Variants in ATP8A2 observed in about 807,000 individuals in gnomAD.
ATP8A2 encodes phospholipid-transporting ATPase IB.
ATP8A2 carries 100 observed loss-of-function variants against 165.6 expected under a neutral mutation model. The ratio of observed to expected loss-of-function variants is 0.60; its 90% confidence interval spans 0.51 to 0.71. The LOEUF is 0.71. Among genes scored for constraint, ATP8A2 ranks in the 30% least tolerant of loss-of-function variants. The pLI is 0.00. For synonymous variants in ATP8A2, 543 were observed against 548.8 expected (o/e 0.99, Z 0.15); for missense variants, 1,227 against 1,479.5 (o/e 0.83, Z 2.80).
At chr13:25,574,045 T>C (rs1410795632) in intron 18 of ATP8A2, among the ~76,000 whole-genome samples, 1 of 152,224 alleles carries the variant, frequency 6.6e-6, no homozygotes, top group Non-Finnish European at 1.5e-5. Flanking sequence ...CTCACATGTA[T>C]TGGGTGCCAA....
chr13:25,631,740 A>C (rs1017175382), intron 24 of ATP8A2, among the ~76,000 whole-genome samples: 1 of 152,176 alleles, frequency 6.6e-6, no homozygotes, highest in East Asian at 1.9e-4. Flanking sequence ...AAATGCCACC[A>C]CCACCAACAT....
intron 1 of ATP8A2, among the ~76,000 whole-genome samples, chr13:25,444,591 G>C (rs1338959683): frequency 6.6e-6 from 1 of 151,176 alleles, no homozygotes; most frequent in Non-Finnish European, 1.5e-5. Context: ...TCTCCTTATA[G>C]TTTCAATTTG....
Position 25,907,363 on chromosome 13 carries a change from A to AAAAATAAAAT in ATP8A2, c.3183+44975_3183+44984dup, listed in dbSNP as rs145490905. ...GAGACTCCATCTCAAAAATAAATAA[A>AAAAATAAAAT]AAAATAAAATAAAATAAAATAAAAT... On this transcript the variant is annotated intron_variant, in intron 33 of 36. Coordinates refer to ENST00000381655, the MANE Select transcript of ATP8A2 (RefSeq NM_016529.6). Among the ~76,000 whole-genome samples, 503 of 151,886 alleles carry AAAAATAAAAT rather than the reference A, an allele frequency of 3.3e-3. 3 individuals are homozygous for AAAAATAAAAT. Among genetic ancestry groups the AAAAATAAAAT allele is most frequent in the African/African-American group, 0.012 (483 of 41,348 alleles).
intron 2 of ATP8A2, among the ~76,000 whole-genome samples, chr13:25,489,392 A>C (rs1246544759): frequency 1.3e-5 from 2 of 152,140 alleles, no homozygotes; most frequent in Admixed American, 1.3e-4. Flanking sequence ...CTCTGTAAGC[A>C]AGCATTTTCT....
Position 25,737,063 on chromosome 13 carries a change from G to C in ATP8A2, c.2385-31983G>C, listed in dbSNP as rs117843632. ...GTGTGTTAGGAGGGGAGTTTTAGTG[G>C]AGGGTGGGGCAGAAGGAATTTTAAG... On this transcript the variant is annotated intron_variant, in intron 25 of 36. Coordinates refer to ENST00000381655, the MANE Select transcript of ATP8A2 (RefSeq NM_016529.6). Among the ~76,000 whole-genome samples, 41 of 152,252 alleles carry C rather than the reference G, an allele frequency of 2.7e-4. 1 individual carries two copies. The East Asian group carries it at 7.9e-3, about 29-fold the overall frequency.
chr13:25,995,763 T>A (rs979284214), intron 35 of ATP8A2, among the ~76,000 whole-genome samples: 1 of 152,124 alleles, frequency 6.6e-6, no homozygotes. Context: ...TCTGTTGTTA[T>A]TAGGTAGAGT....
At chr13:25,403,511 T>G (rs2033704728) in intron 1 of ATP8A2, among the ~76,000 whole-genome samples, 2 of 152,142 alleles carry the variant, frequency 1.3e-5, no homozygotes, top group Admixed American at 1.3e-4. Context: ...AGAATTCAAG[T>G]TGAGTTGTGG....
rs138295860 is a variant in ATP8A2 at position 25,602,172 on chromosome 13, G to A, written c.2211+12473G>A. Among the ~76,000 whole-genome samples the A allele has an allele frequency of 1.3e-3, 203 of 152,154 alleles. 1 individual carries two copies. Among genetic ancestry groups the A allele is most frequent in the African/African-American group, 4.7e-3 (196 of 41,524 alleles). ...ACAATTTTTTTCTAATTTGTTTTTA[G>A]GCATGTCCAATTAATAATTCTTTTA... On this transcript the variant is annotated intron_variant, in intron 24 of 36. Transcript: ENST00000381655.
intron 2 of ATP8A2, among the ~76,000 whole-genome samples, chr13:25,472,209 C>T (rs1187694248): frequency 6.6e-6 from 1 of 152,130 alleles, no homozygotes; most frequent in Admixed American, 6.5e-5. Flanking sequence ...GCCTGGCCAA[C>T]ATGGCAAAAC....
intron 25 of ATP8A2, among the ~76,000 whole-genome samples, chr13:25,755,234 C>T (rs1052842502): frequency 1.3e-5 from 2 of 152,184 alleles, no homozygotes; most frequent in African/African-American, 4.8e-5. Context: ...GGTACTATCA[C>T]AATTCCATCT....
intron 24 of ATP8A2, among the ~76,000 whole-genome samples, chr13:25,611,316 C>A (rs901144835): frequency 6.6e-6 from 1 of 151,818 alleles, no homozygotes; most frequent in South Asian, 2.1e-4. Flanking sequence ...TGAGGTATGT[C>A]CCTTGTATGC....
chr13:25,513,013 C>T (rs1159358161), intron 2 of ATP8A2, among the ~76,000 whole-genome samples: 17 of 135,800 alleles, frequency 1.3e-4, no homozygotes, highest in African/African-American at 4.3e-4. Flanking sequence ...GGGGGGCTGA[C>T]CCCCCCCACC....
chr13:25,960,966 A>G (rs965515580), intron 33 of ATP8A2, among the ~76,000 whole-genome samples: 9 of 152,146 alleles, frequency 5.9e-5, no homozygotes, highest in African/African-American at 9.7e-5. Context: ...GGCACATCTC[A>G]TACTCTGTCG....
At chr13:25,947,038 G>A (rs1425104875) in intron 33 of ATP8A2, among the ~76,000 whole-genome samples, 4 of 152,128 alleles carry the variant, frequency 2.6e-5, no homozygotes, top group African/African-American at 7.2e-5. Context: ...GTGAGCCACC[G>A]CCCCCGGCCA....
intron 33 of ATP8A2, among the ~76,000 whole-genome samples, chr13:25,931,066 A>G (rs1954758357): frequency 6.6e-6 from 1 of 152,206 alleles, no homozygotes; most frequent in African/African-American, 2.4e-5. Flanking sequence ...GTACAGGGTG[A>G]GCCTCCCTAA....
intron 24 of ATP8A2, among the ~76,000 whole-genome samples, chr13:25,655,604 C>T (rs55698733): frequency 0.05 from 7,649 of 152,102 alleles, 639 homozygotes; most frequent in African/African-American, 0.17. Flanking sequence ...TAAGACACTC[C>T]AGAGGAGTTG....
chr13:25,814,084 T>G (rs1445888736), intron 27 of ATP8A2, among the ~76,000 whole-genome samples: 1 of 94,586 alleles, frequency 1.1e-5, no homozygotes, highest in East Asian at 3.2e-4. Context: ...TCTCTTCATG[T>G]GCTCACACAT....
At chr13:25,625,453 G>A (rs529827283) in intron 24 of ATP8A2, among the ~76,000 whole-genome samples, 83 of 152,290 alleles carry the variant, frequency 5.5e-4, no homozygotes, top group African/African-American at 1.9e-3. Flanking sequence ...GCTGCTAATT[G>A]AGCCTTCAGG....
chr13:25,542,502 T>G (rs563896110), intron 9 of ATP8A2, among the ~76,000 whole-genome samples: 3 of 152,242 alleles, frequency 2.0e-5, no homozygotes, highest in African/African-American at 4.8e-5. Flanking sequence ...GTCTATATTC[T>G]GTTATCTTTG....
Sources: gnomAD v4.1 joint callset for allele counts (sites outside exome capture counted in the v4.1 genomes callset) on GRCh38, gnomAD v4.1.1 for gene constraint, MANE v1.5 for transcripts, NCBI Gene and HGNC (gene_info 2026-07-23, HGNC 2026-07-21) for gene names.